The following NKAIN2 variants were observed in gnomAD, a reference collection of about 807,000 sequenced individuals.
NKAIN2 encodes sodium/potassium transporting ATPase interacting 2.
Under a neutral mutation model 32.6 loss-of-function variants are expected in NKAIN2, and 14 were observed. The observed-to-expected ratio is 0.43, with a 90% CI of 0.28 to 0.67. The LOEUF (loss-of-function observed/expected upper bound fraction) is 0.67. Ranked by LOEUF, NKAIN2 falls within the 30% of genes least tolerant of loss-of-function variation. The pLI, the probability that NKAIN2 is intolerant of heterozygous loss-of-function variation, is 0.17. For missense variants in NKAIN2, 198 were observed against 258.3 expected (o/e 0.77, Z 1.60); for synonymous variants, 80 against 87.2 (o/e 0.92, Z 0.46).
intron 4 of NKAIN2, among the ~76,000 whole-genome samples, chr6:124,668,374 T>A (rs1035394390): frequency 6.6e-6 from 1 of 152,130 alleles, no homozygotes; most frequent in Non-Finnish European, 1.5e-5. Context: ...CTTTATTGAT[T>A]TCCAATAGCT....
intron 1 of NKAIN2, among the ~76,000 whole-genome samples, chr6:123,986,742 G>T (rs981581728): frequency 6.6e-6 from 1 of 152,136 alleles, no homozygotes; most frequent in Non-Finnish European, 1.5e-5. Flanking sequence ...CTCTAGGAAG[G>T]TTTAGCCTAT....
At chr6:124,512,560 A>T (rs532180303) in intron 3 of NKAIN2, among the ~76,000 whole-genome samples, 128 of 152,216 alleles carry the variant, frequency 8.4e-4, no homozygotes, top group Non-Finnish European at 1.6e-3. Context: ...GGACATAAAC[A>T]CTAAAAGAGC....
At chr6:124,028,042 T>G (rs1338789737) in intron 1 of NKAIN2, among the ~76,000 whole-genome samples, 1 of 152,154 alleles carries the variant, frequency 6.6e-6, no homozygotes, top group Non-Finnish European at 1.5e-5. Context: ...GGAAGATATG[T>G]TGCTCTTTGC....
At chr6:124,015,074 G>A (rs551456409) in intron 1 of NKAIN2, among the ~76,000 whole-genome samples, 15 of 152,262 alleles carry the variant, frequency 9.9e-5, no homozygotes, top group African/African-American at 3.6e-4. Context: ...TGTCTTCAAG[G>A]AACTTTAATT....
intron 1 of NKAIN2, among the ~76,000 whole-genome samples, chr6:123,813,445 G>A (rs978351726): frequency 2.0e-5 from 3 of 152,180 alleles, no homozygotes; most frequent in Admixed American, 6.5e-5. Context: ...GATGATATTA[G>A]GGTTTGTGGA....
In NKAIN2 at chr6:124,014,607, C is replaced by G. The variant is rs373098179; in HGVS notation, c.54+210353C>G. Among the ~76,000 whole-genome samples the G allele has an allele frequency of 1.3e-4, 20 of 151,970 alleles. No homozygotes were observed. The East Asian group carries it at 1.4e-3, about 10-fold the overall frequency. On this transcript the variant is annotated intron_variant, in intron 1 of 6. Coordinates refer to ENST00000368417, the MANE Select transcript of NKAIN2 (RefSeq NM_001040214.3). ...TCTATGCTTTTCTGTTTCTGCCTCCCTTTCTTTCTTCACAGACTTAGTTTT... is the reference window on the plus strand; with the variant it reads ...TCTATGCTTTTCTGTTTCTGCCTCCGTTTCTTTCTTCACAGACTTAGTTTT...
At chr6:124,106,753 T>G (rs2114960972) in intron 1 of NKAIN2, among the ~76,000 whole-genome samples, 1 of 152,348 alleles carries the variant, frequency 6.6e-6, no homozygotes, top group Middle Eastern at 3.4e-3. Flanking sequence ...TTATGCTCTA[T>G]CCATTCACTT....
intron 4 of NKAIN2, among the ~76,000 whole-genome samples, chr6:124,677,794 A>G (rs796717501): frequency 6.6e-6 from 1 of 152,046 alleles, no homozygotes; most frequent in African/African-American, 2.4e-5. Flanking sequence ...ATGTATTTAC[A>G]TTTACCCATG....
At chr6:124,368,016 G>A (rs545711540) in intron 3 of NKAIN2, among the ~76,000 whole-genome samples, 1 of 152,058 alleles carries the variant, frequency 6.6e-6, no homozygotes, top group African/African-American at 2.4e-5. Context: ...GAAAATTTAG[G>A]CTTAAATTCT....
At chr6:124,568,794 C>T (rs558067358) in intron 3 of NKAIN2, among the ~76,000 whole-genome samples, 1 of 107,584 alleles carries the variant, frequency 9.3e-6, no homozygotes, top group Admixed American at 1.2e-4. Context: ...TTTTGTTTTC[C>T]ATTATTATTG....
At chr6:124,157,268 TACAC>T (rs869207926) in intron 1 of NKAIN2, among the ~76,000 whole-genome samples, 1,965 of 89,568 alleles carry the variant, frequency 0.022, 53 homozygotes, top group African/African-American at 0.076. Flanking sequence ...CACACACACA[TACAC>T]ACACACACAC....
chr6:124,791,830 A>G (rs1437013187), intron 5 of NKAIN2, among the ~76,000 whole-genome samples: 1 of 152,188 alleles, frequency 6.6e-6, no homozygotes, highest in Non-Finnish European at 1.5e-5. Flanking sequence ...TAAGATTCTT[A>G]TAAAAACTGA....
intron 1 of NKAIN2, among the ~76,000 whole-genome samples, chr6:124,216,469 T>C (rs1203844751): frequency 1.3e-5 from 2 of 152,230 alleles, no homozygotes; most frequent in Non-Finnish European, 2.9e-5. Context: ...TCAACACGCA[T>C]ATGCCCAACT....
In NKAIN2 at chr6:124,799,159, T is replaced by C. The variant is rs535788216; in HGVS notation, c.535+7760T>C. Among the ~76,000 whole-genome samples the C allele has an allele frequency of 8.5e-5, 13 of 152,320 alleles. No homozygotes were observed. The South Asian group carries it at 1.2e-3, about 15-fold the overall frequency. ...CTAAGTGATCAACACCTGAGACAGA[T>C]GCTACATGCGAATTTTCCTCCTGTC... On this transcript the variant is annotated intron_variant, in intron 5 of 6. Transcript: ENST00000368417.
intron 3 of NKAIN2, among the ~76,000 whole-genome samples, chr6:124,358,873 C>T (rs1366788984): frequency 1.3e-5 from 2 of 151,230 alleles, no homozygotes; most frequent in African/African-American, 4.9e-5. Context: ...ATGGTATTGC[C>T]TAGGTTTTCT....
intron 3 of NKAIN2, among the ~76,000 whole-genome samples, chr6:124,371,249 G>A (rs1461937634): frequency 1.3e-5 from 2 of 151,908 alleles, no homozygotes; most frequent in Non-Finnish European, 2.9e-5. Context: ...GCAATAATGG[G>A]TCTGAAATGT....
At chr6:124,394,476 T>TAGATAGAC (rs925615356) in intron 3 of NKAIN2, among the ~76,000 whole-genome samples, 38 of 150,606 alleles carry the variant, frequency 2.5e-4, no homozygotes, top group Non-Finnish European at 4.9e-4. Context: ...GATAGATAGA[T>TAGATAGAC]AGATAGATAG....
intron 1 of NKAIN2, among the ~76,000 whole-genome samples, chr6:124,091,794 T>C (rs1316076225): frequency 2.6e-5 from 4 of 152,034 alleles, no homozygotes; most frequent in South Asian, 2.1e-4. Flanking sequence ...CTCTTTATCA[T>C]GTGCATTGAA....
chr6:124,019,220 G>T lies in NKAIN2; in HGVS notation c.54+214966G>T, dbSNP rs556944377. 7.2e-5 allele frequency among the ~76,000 whole-genome samples: 11 copies of T among 152,216 alleles called. No individual in the cohort carries two copies. In the East Asian group the frequency reaches 1.9e-3, roughly 27 times the overall value. On this transcript the variant is annotated intron_variant, in intron 1 of 6. Coordinates refer to ENST00000368417, the MANE Select transcript of NKAIN2 (RefSeq NM_001040214.3). ...TTATGGGAGCTAAAATTCAAGATGA[G>T]ATTTGGGTGGGGACGAAACCAAACT...
Sources: gnomAD v4.1 joint callset for allele counts (sites outside exome capture counted in the v4.1 genomes callset) on GRCh38, gnomAD v4.1.1 for gene constraint, MANE v1.5 for transcripts, NCBI Gene and HGNC (gene_info 2026-07-23, HGNC 2026-07-21) for gene names.